EPG5: variants seen among roughly 807,000 people sequenced by gnomAD.
EPG5 encodes the protein ectopic P granules protein 5 homolog.
A neutral mutation model predicts 302.7 loss-of-function variants in EPG5; 159 were observed. The observed-to-expected ratio is 0.53, with a 90% CI of 0.46 to 0.60. The LOEUF (loss-of-function observed/expected upper bound fraction) is 0.60, where lower values mean the gene tolerates loss of function less well. Among genes scored for constraint, EPG5 ranks in the 20% least tolerant of loss-of-function variants. EPG5 has a pLI of 0.00. For missense variants in EPG5, 2,896 were observed against 3,092.4 expected (o/e 0.94, Z 1.51); for synonymous variants, 1,158 against 1,136.8 (o/e 1.02, Z -0.37).
chr18:45,859,336 A>T (rs2145203331), intron 40 of EPG5, among the ~76,000 whole-genome samples: 1 of 152,254 alleles, frequency 6.6e-6, no homozygotes, highest in Middle Eastern at 3.4e-3. Context: ...TGGGGGAGCG[A>T]GGGTGGGGTG....
rs1257146174 is a variant in EPG5, at chr18:45,876,228, C to A, written c.6049+8G>T. On this transcript the variant is annotated splice_region_variant and intron_variant, in intron 35 of 43. Coordinates refer to ENST00000282041, the MANE Select transcript of EPG5 (RefSeq NM_020964.3). ...AAACTAAGCAGAGACAGCCTGACAT[C>A]TTCCTACCTTTAAAACTCTCATGCA... is the stretch of plus-strand genomic sequence containing the variant. The A allele has an allele frequency of 6.3e-7, 1 of 1,599,164 alleles. No homozygotes were observed. Among genetic ancestry groups the A allele is most frequent in the Admixed American group, 1.7e-5 (1 of 59,998 alleles).
chr18:45,915,765 T>C (rs576342230), intron 19 of EPG5, 144 bp from the exon 20 acceptor site: 14 of 746,884 alleles, frequency 1.9e-5, no homozygotes, highest in Middle Eastern at 3.5e-4. Context: ...CCAGCAGCAA[T>C]AGTCCAAGGC....
chr18:45,849,812 G>C lies in EPG5; in HGVS notation c.*2655C>G, dbSNP rs757072922. On this transcript the variant is annotated 3_prime_UTR_variant, in exon 44 of 44. Transcript: ENST00000282041. ...GCCTTGGAGCTGAGGTCCCGAGTGT[G>C]CAGGAAGGAGCTTTGGAAACATGTA... 10 of 152,300 alleles carry C rather than the reference G, an allele frequency of 6.6e-5. No homozygotes were observed. Among genetic ancestry groups the C allele is most frequent in the Admixed American group, 1.3e-4 (2 of 15,284 alleles). The allele number at this position is 152,300 out of a possible 1,614,324, so 9.4% of individuals were successfully genotyped here. A position where few individuals can be genotyped will look rare whatever the true frequency, so the allele number is the denominator to read the frequency against.
intron 10 of EPG5, among the ~76,000 whole-genome samples, chr18:45,938,062 G>A (rs982320747): frequency 4.6e-5 from 7 of 152,136 alleles, no homozygotes; most frequent in African/African-American, 1.7e-4. Context: ...CCAGGCCAGC[G>A]TCAGTGGACA....
Position 45,870,616 on chromosome 18 carries a change from G to T in EPG5, c.6176C>A (p.Pro2059Gln). 6.2e-7 allele frequency: 1 copy of T among 1,614,022 alleles called. No homozygotes were observed. The highest frequency in any genetic ancestry group is 1.1e-5 in the South Asian group (1 of 91,060). Residue 2059 changes from proline (P) to glutamine (Q), a missense_variant, in exon 36 of 44, where the codon CCA (proline) becomes CAA (glutamine). Physicochemically the swap from Pro to Gln is moderately conservative, Grantham distance 76 (BLOSUM62 -1). Around this residue, in one of 5 missense-constraint regions of EPG5, gnomAD observed 620 missense variants for 704.2 expected, o/e 0.88. Transcript: ENST00000282041. ...YAFHSTYRKL[P>Q]WKDLHPDQML... ...CTGGTCAGGGTGCAGGTCCTTCCAT[G>T]GCAGTTTCCGGTACGTGCTATGGAA...
Position 45,899,568 on chromosome 18 carries a change from T to G in EPG5, c.4647-2A>C. 1 of 1,613,956 alleles carries G rather than the reference T, an allele frequency of 6.2e-7. No individual in the cohort carries two copies. Among genetic ancestry groups the G allele is most frequent in the Non-Finnish European group, 8.5e-7 (1 of 1,179,862 alleles). On this transcript the variant is annotated splice_acceptor_variant, in intron 26 of 43. Transcript: ENST00000282041. LOFTEE classifies it high-confidence loss of function. ...TGAGATTCCCGAAGAGCTGCGGTTCTGAAAAACATCATCAGGAGGTAAAAG... is the reference window on the plus strand; with the variant it reads ...TGAGATTCCCGAAGAGCTGCGGTTCGGAAAAACATCATCAGGAGGTAAAAG...
At chr18:45,941,526 C>G (rs1402399113) in intron 9 of EPG5, among the ~76,000 whole-genome samples, 2 of 152,096 alleles carry the variant, frequency 1.3e-5, no homozygotes, top group African/African-American at 2.4e-5. Context: ...TGAGAAGAAT[C>G]TGCACTAGAT....
chr18:45,839,103 CGCCCCAGACACGGGT>C, the EPG5 span: 1 of 1,388,870 alleles, frequency 7.2e-7, no homozygotes, highest in Non-Finnish European at 9.2e-7. Context: ...CAGGTGGGTG[CGCCCCAGACACGGGT>C]GGCCGCGAGG....
intron 1 of EPG5, among the ~76,000 whole-genome samples, 155 bp downstream of exon 1, chr18:45,967,022 G>C (rs1459835296): frequency 2.6e-5 from 4 of 152,166 alleles, no homozygotes; most frequent in Non-Finnish European, 2.9e-5. Flanking sequence ...AGAAGGGCCG[G>C]TGTCAACGGG....
rs2050369714 is a variant in EPG5, at chr18:45,930,243, T to C, written c.2412+433A>G. Among the ~76,000 whole-genome samples, 4 of 152,284 alleles carry C rather than the reference T, an allele frequency of 2.6e-5. No individual in the cohort carries two copies. In the South Asian group the frequency reaches 8.3e-4, roughly 32 times the overall value. ...ATAAGTTATCTTTTTTGATGTGAGA[T>C]GGCCAATTAATAGCAGAGTTAAAAC... On this transcript the variant is annotated intron_variant, in intron 12 of 43. Transcript: ENST00000282041.
At chr18:45,869,130 A>G (rs1360579828) in intron 36 of EPG5, among the ~76,000 whole-genome samples, 1 of 152,132 alleles carries the variant, frequency 6.6e-6, no homozygotes, top group Non-Finnish European at 1.5e-5. Flanking sequence ...GATCTCTTAC[A>G]AGCTATTTAA....
At chr18:45,868,368 AC>A (rs2048792741) in intron 36 of EPG5, among the ~76,000 whole-genome samples, 1 of 135,826 alleles carries the variant, frequency 7.4e-6, no homozygotes, top group South Asian at 2.3e-4. Context: ...ATGGAGTTTC[AC>A]TCTTGTTACC....
chr18:45,807,162 T>C, the EPG5 span, among the ~76,000 whole-genome samples: 1 of 152,144 alleles, frequency 6.6e-6, no homozygotes, highest in East Asian at 1.9e-4. Flanking sequence ...ATAATCCTTG[T>C]AGGAACATAG....
chr18:45,855,573 C>A lies in EPG5; in HGVS notation c.7557G>T (p.Gln2519His). 6.2e-7 allele frequency: 1 copy of A among 1,612,686 alleles called. No homozygotes were observed. Among genetic ancestry groups the A allele is most frequent in the Non-Finnish European group, 8.5e-7 (1 of 1,178,802 alleles). Residue 2519 changes from glutamine (Q) to histidine (H), a missense_variant and splice_region_variant, in exon 43 of 44, where the codon CAG (glutamine) becomes CAT (histidine). Gln to His is a conservative substitution (Grantham distance 24). Around this residue, in one of 5 missense-constraint regions of EPG5, gnomAD observed 620 missense variants for 704.2 expected, o/e 0.88. Transcript: ENST00000282041. The part of the protein sequence containing the change: ...SELHLTPKAQ[Q>H]ALNALESMAS... The stretch of plus-strand genomic sequence containing the variant: ...CTAACCCTTCATTGTATATACTGAC[C>A]TGCTGAGCTTTGGGGGTCAGATGTA...
intron 17 of EPG5, 45 bp downstream of exon 17, chr18:45,917,634 T>G (rs1280793474): frequency 6.2e-7 from 1 of 1,607,518 alleles, no homozygotes; most frequent in East Asian, 2.2e-5. Flanking sequence ...TTGTACTTGC[T>G]GGACTGTTTA....
rs924046699 is a variant in EPG5 at position 45,867,808 on chromosome 18, T to A, written c.6226-60A>T. ...TTGTGCTATCTATGTATCTGGAAAA[T>A]GTATGTAAATTGTTTCATAATTATG... On this transcript the variant is annotated intron_variant, in intron 36 of 43. Transcript: ENST00000282041. 9.9e-6 allele frequency: 14 copies of A among 1,407,124 alleles called. No homozygotes were observed. The African/African-American group carries it at 1.6e-4, about 16-fold the overall frequency. 87.2% of individuals were successfully genotyped at this position (1,407,124 alleles called of 1,614,324 possible).
the EPG5 span, among the ~76,000 whole-genome samples, chr18:45,810,547 C>G: frequency 6.6e-6 from 1 of 152,208 alleles, no homozygotes; most frequent in Non-Finnish European, 1.5e-5. Flanking sequence ...GTAATCCCAG[C>G]ACTTTGGGAG....
chr18:45,899,497 C>T lies in EPG5; in HGVS notation c.4716G>A (p.Gln1572=), dbSNP rs765056753. The T allele has an allele frequency of 6.2e-7, 1 of 1,614,208 alleles. No homozygotes were observed. Among genetic ancestry groups the T allele is most frequent in the South Asian group, 1.1e-5 (1 of 91,086 alleles). Residue 1572 remains glutamine (Q), a synonymous_variant, in exon 27 of 44, where the codon CAG becomes CAA. Transcript: ENST00000282041. ...TGGTCTGTTCTTCACGATTCACATA[C>T]TGCTTTGGCATTGTGTCTAACAGCT... ...DGELLDTMPK[Q]YVNREEQTTL...
the EPG5 span, chr18:45,842,248 C>T: frequency 3.8e-6 from 6 of 1,579,214 alleles, no homozygotes; most frequent in African/African-American, 2.7e-5. Flanking sequence ...CAGTGCGAGG[C>T]TTGGCTGGCA....
Sources: allele counts gnomAD v4.1 joint callset (sites outside exome capture counted in the v4.1 genomes callset), GRCh38; gene constraint gnomAD v4.1.1; regional missense constraint gnomAD v4.1.1; transcripts MANE v1.5; gene names NCBI Gene and HGNC (gene_info 2026-07-23, HGNC 2026-07-21).